PARP4: variants seen among roughly 807,000 people sequenced by gnomAD.
The protein encoded by PARP4 is poly(ADP-ribose) polymerase family member 4.
PARP4 carries 120 observed loss-of-function variants against 187.7 expected under a neutral mutation model. The observed-to-expected ratio is 0.64, with a 90% CI of 0.55 to 0.74. The LOEUF (loss-of-function observed/expected upper bound fraction) is 0.74. Among genes scored for constraint, PARP4 ranks in the 30% least tolerant of loss-of-function variants. PARP4 has a pLI of 0.00. For synonymous variants in PARP4, 654 were observed against 740.9 expected, an observed-to-expected ratio of 0.88 and a Z score of 1.90; for missense variants, 1,836 against 2,070.5, an observed-to-expected ratio of 0.89 and a Z score of 2.20.
intron 1 of PARP4, among the ~76,000 whole-genome samples, chr13:24,508,193 A>C (rs78753587): frequency 0.025 from 3,803 of 151,420 alleles, 91 homozygotes; most frequent in African/African-American, 0.068. Context: ...ACAAAAAAAA[A>C]CACTAAAAGC....
rs769617727 is a variant in PARP4 at position 24,469,092 on chromosome 13, C to T, written c.2065G>A (p.Ala689Thr). Residue 689 changes from alanine to threonine, a missense_variant, in exon 17 of 34, where the codon GCC becomes ACC. Physicochemically the swap from Ala to Thr is moderately conservative, Grantham distance 58 (BLOSUM62 0). Around this residue, in one of 8 missense-constraint regions of PARP4, gnomAD observed 1,147 missense variants for 1,214.2 expected, o/e 0.94. Coordinates refer to ENST00000381989, the MANE Select transcript of PARP4 (RefSeq NM_006437.4). ...ACGGCTTCTAGGTACTCTTGCTGGG[C>T]TTCTTCCTTCTCTTTAATCTGGAAA... ...IVGEIKEKEE[A>T]QQEYLEAVTQ... 7.4e-6 allele frequency: 12 copies of T among 1,612,104 alleles called. No homozygotes were observed. The highest frequency in any genetic ancestry group is 3.4e-6 in the Non-Finnish European group (4 of 1,178,304).
At chr13:24,442,537 A>T in intron 29 of PARP4, 53 bp downstream of exon 29, 1 of 1,149,604 alleles carries the variant, frequency 8.7e-7, no homozygotes, top group Non-Finnish European at 1.3e-6. Context: ...TGACTTTCTT[A>T]ATGTGGAAAT....
chr13:24,486,559 A>G (rs1319640972), intron 10 of PARP4, among the ~76,000 whole-genome samples: 1 of 152,258 alleles, frequency 6.6e-6, no homozygotes, highest in Non-Finnish European at 1.5e-5. Context: ...TATACATAGT[A>G]TTATCCCAAT....
intron 5 of PARP4, 55 bp from the exon 6 acceptor site, chr13:24,498,284 G>A (rs1276422563): frequency 2.0e-6 from 2 of 1,015,510 alleles, no homozygotes; most frequent in African/African-American, 1.6e-5. Context: ...CAAACTACAT[G>A]TGCCATTTGA....
rs181244744 is a variant in PARP4, at chr13:24,440,715, C to T, written c.3666+1131G>A. Reference sequence around the variant, plus strand: ...GGGCTGGGGTTCAGACCTGAGCATTCGGCCACAGCACCTGTGATCTTAACC... The same window carrying T: ...GGGCTGGGGTTCAGACCTGAGCATTTGGCCACAGCACCTGTGATCTTAACC... On this transcript the variant is annotated intron_variant, in intron 30 of 33. Coordinates refer to ENST00000381989, the MANE Select transcript of PARP4 (RefSeq NM_006437.4). 6.5e-3 allele frequency among the ~76,000 whole-genome samples: 956 copies of T among 146,352 alleles called. 4 individuals are homozygous for T. The highest frequency in any genetic ancestry group is 0.011 in the Non-Finnish European group (704 of 66,576).
chr13:24,449,313 G>A (rs1374836933), intron 25 of PARP4, among the ~76,000 whole-genome samples: 1 of 148,942 alleles, frequency 6.7e-6, no homozygotes, highest in Non-Finnish European at 1.5e-5. Context: ...GCGTGAACCC[G>A]GGAGGCAGAG....
chr13:24,456,129 A>G (rs1593610187), intron 21 of PARP4, among the ~76,000 whole-genome samples: 1 of 152,220 alleles, frequency 6.6e-6, no homozygotes, highest in African/African-American at 2.4e-5. Context: ...GAATTTGTAC[A>G]GGCAAATCAT....
At chr13:24,449,184 C>T (rs527564528) in intron 25 of PARP4, among the ~76,000 whole-genome samples, 4 of 152,016 alleles carry the variant, frequency 2.6e-5, no homozygotes, top group African/African-American at 7.3e-5. Flanking sequence ...GTCAGGAGAT[C>T]AAGACCATCC....
intron 9 of PARP4, 150 bp downstream of exon 9, chr13:24,492,270 AG>A (rs34651960): frequency 0.11 from 60,757 of 557,220 alleles, 3,793 homozygotes; most frequent in African/African-American, 0.17. Flanking sequence ...ATAAGGATCC[AG>A]GGCTTTCTAA....
intron 12 of PARP4, among the ~76,000 whole-genome samples, chr13:24,482,165 G>A (rs911244829): frequency 4.6e-5 from 7 of 152,196 alleles, no homozygotes; most frequent in Non-Finnish European, 1.5e-5. Flanking sequence ...CCTGAAGATG[G>A]GACTGAATTG....
chr13:24,458,958 A>T (rs1002912468), intron 20 of PARP4, 86 bp downstream of exon 20: 4 of 926,204 alleles, frequency 4.3e-6, no homozygotes, highest in African/African-American at 1.7e-5. Context: ...GCATTATTTC[A>T]CTTTTCAACC....
At chr13:24,471,809 G>A (rs1017244019) in intron 15 of PARP4, among the ~76,000 whole-genome samples, 12 of 152,130 alleles carry the variant, frequency 7.9e-5, no homozygotes, top group Non-Finnish European at 1.2e-4. Context: ...CTGTAACCTC[G>A]TCATAATTTG....
intron 33 of PARP4, among the ~76,000 whole-genome samples, chr13:24,422,305 C>T (rs542466934): frequency 6.6e-5 from 10 of 152,266 alleles, no homozygotes; most frequent in East Asian, 1.9e-4. Flanking sequence ...AATAAATGTT[C>T]GCTGAATGTC....
At chr13:24,508,988 A>G (rs1869856094) in intron 1 of PARP4, among the ~76,000 whole-genome samples, 1 of 152,222 alleles carries the variant, frequency 6.6e-6, no homozygotes, top group South Asian at 2.1e-4. Flanking sequence ...GATTTTTGGT[A>G]TCATAAAAAG....
rs767380869 is a variant in PARP4, at chr13:24,434,775, G to A, written c.4366C>T (p.Pro1456Ser). 1.2e-6 allele frequency: 2 copies of A among 1,612,402 alleles called. No homozygotes were observed. Among genetic ancestry groups the A allele is most frequent in the South Asian group, 2.2e-5 (2 of 90,908 alleles). ...DPIRGFGSYH[P>S]SASSPFHFQP... ...AAATGAAAAGGAGAGGAAGCAGAGGGATGATAAGACCCAAAACCTCTGATG... is the reference window on the plus strand; with the variant it reads ...AAATGAAAAGGAGAGGAAGCAGAGGAATGATAAGACCCAAAACCTCTGATG... Residue 1456 changes from proline to serine, a missense_variant, in exon 31 of 34, where the codon CCC becomes TCC. Physicochemically the swap from Pro to Ser is moderately conservative, Grantham distance 74. Around this residue, in one of 8 missense-constraint regions of PARP4, gnomAD observed 450 missense variants for 439.2 expected, o/e 1.02. Coordinates refer to ENST00000381989, the MANE Select transcript of PARP4 (RefSeq NM_006437.4).
rs1823590542 is a variant in PARP4, at chr13:24,421,027, C to T, written c.*92G>A. The T allele has an allele frequency of 2.7e-6, 4 of 1,474,532 alleles. No individual in the cohort carries two copies. The South Asian group carries it at 4.2e-5, about 15-fold the overall frequency. The allele number at this position is 1,474,532 out of a possible 1,614,324, so 91.3% of individuals were successfully genotyped here. A position where few individuals can be genotyped will look rare whatever the true frequency, so the allele number is the denominator to read the frequency against. On this transcript the variant is annotated 3_prime_UTR_variant, in exon 34 of 34. Coordinates refer to ENST00000381989, the MANE Select transcript of PARP4 (RefSeq NM_006437.4). ...ACAGTAATTGCTACACTGAATGAAA[C>T]CTTAATGAAGTTTCATTATAAGTAT... is the stretch of plus-strand genomic sequence containing the variant.
intron 14 of PARP4, among the ~76,000 whole-genome samples, chr13:24,477,306 T>C (rs1018358809): frequency 6.6e-6 from 1 of 151,800 alleles, no homozygotes; most frequent in Non-Finnish European, 1.5e-5. Context: ...ATAGTGAGAA[T>C]TTGTCTCTAA....
chr13:24,429,745 A>G (rs4770676), intron 32 of PARP4, among the ~76,000 whole-genome samples: 52,127 of 152,098 alleles, frequency 0.34, 9,082 homozygotes, highest in Middle Eastern at 0.39. Flanking sequence ...TTGCACCTGT[A>G]TATGTAGAGG....
intron 22 of PARP4, 24 bp downstream of exon 22, chr13:24,454,993 G>C (rs1233972272): frequency 6.5e-7 from 1 of 1,540,468 alleles, no homozygotes; most frequent in Non-Finnish European, 8.9e-7. Flanking sequence ...AGCACACGCA[G>C]GACCAGGGCC....
Sources: allele counts gnomAD v4.1 joint callset (sites outside exome capture counted in the v4.1 genomes callset), GRCh38; gene constraint gnomAD v4.1.1; regional missense constraint gnomAD v4.1.1; transcripts MANE v1.5; gene names NCBI Gene and HGNC (gene_info 2026-07-23, HGNC 2026-07-21).